The following ABHD12B variants were observed in gnomAD, a reference collection of about 807,000 sequenced individuals.
The protein encoded by ABHD12B is protein ABHD12B.
A neutral mutation model predicts 50.4 loss-of-function variants in ABHD12B; 42 were observed. The observed-to-expected ratio is 0.83, with a 90% CI of 0.65 to 1.08. The LOEUF (loss-of-function observed/expected upper bound fraction) is 1.08. ABHD12B is among the 50% of genes least tolerant of loss of function. The probability of loss-of-function intolerance (pLI) is 0.00; values close to 1 mark genes in which losing one functional copy is unlikely to be tolerated. For synonymous variants in ABHD12B, 167 were observed against 160.3 expected, an observed-to-expected ratio of 1.04 and a Z score of -0.32; for missense variants, 479 against 447.7, an observed-to-expected ratio of 1.07 and a Z score of -0.63.
At chr14:50,903,241 T>G in intron 10 of ABHD12B, 148 bp from the exon 11 acceptor site, 1 of 479,172 alleles carries the variant, frequency 2.1e-6, no homozygotes, top group African/African-American at 2.0e-5. Flanking sequence ...AATTTTTAAA[T>G]GTATGATATT....
At chr14:50,894,003 A>G (rs1434494165) in intron 9 of ABHD12B, among the ~76,000 whole-genome samples, 3 of 152,118 alleles carry the variant, frequency 2.0e-5, no homozygotes, top group African/African-American at 7.2e-5. Flanking sequence ...CTGATTATTC[A>G]CTCACGTTTC....
chr14:50,876,586 G>C (rs1242061394), intron 1 of ABHD12B, among the ~76,000 whole-genome samples: 1 of 152,106 alleles, frequency 6.6e-6, no homozygotes, highest in African/African-American at 2.4e-5. Flanking sequence ...TGTTCCTGGG[G>C]TTCATTTCTG....
At chr14:50,874,185 T>A (rs918145229) in intron 1 of ABHD12B, among the ~76,000 whole-genome samples, 3 of 152,252 alleles carry the variant, frequency 2.0e-5, no homozygotes, top group Non-Finnish European at 4.4e-5. Flanking sequence ...TCAGTGGCTA[T>A]TTTTTAATGC....
chr14:50,903,549 C>A, intron 11 of ABHD12B, 82 bp downstream of exon 11: 2 of 1,173,064 alleles, frequency 1.7e-6, no homozygotes, highest in Non-Finnish European at 2.5e-6. Context: ...TTGATTAGAG[C>A]CGAAAGGAGG....
chr14:50,887,884 T>C (rs1246177639), intron 8 of ABHD12B, among the ~76,000 whole-genome samples: 1 of 152,192 alleles, frequency 6.6e-6, no homozygotes. Context: ...TTTCTGTCAT[T>C]TGGATTAGGT....
intron 9 of ABHD12B, among the ~76,000 whole-genome samples, chr14:50,900,422 A>G (rs1252500236): frequency 6.6e-6 from 1 of 152,218 alleles, no homozygotes; most frequent in Non-Finnish European, 1.5e-5. Flanking sequence ...AGGACACCAC[A>G]GGGAATAAGA....
intron 4 of ABHD12B, 127 bp downstream of exon 4, chr14:50,880,698 T>C: frequency 8.7e-7 from 1 of 1,146,648 alleles, no homozygotes; most frequent in Non-Finnish European, 1.2e-6. Flanking sequence ...TTCTCCTTTG[T>C]TGAAATCTGA....
At chr14:50,891,832 G>A (rs1462157300) in intron 9 of ABHD12B, 1 of 152,106 alleles carries the variant, frequency 6.6e-6, no homozygotes, top group Non-Finnish European at 1.5e-5. Context: ...ATATATCAGT[G>A]TCTATACATA....
At chr14:50,877,854 C>G in intron 1 of ABHD12B, 98 bp from the exon 2 acceptor site, 1 of 1,234,998 alleles carries the variant, frequency 8.1e-7, no homozygotes, top group Non-Finnish European at 1.0e-6. Context: ...GCAACAAGAG[C>G]AGAACTCTGT....
At position 50,896,055 on chromosome 14, in the gene ABHD12B, G is replaced by C. The variant is rs550875510; in HGVS notation, c.781-5774G>C. Among the ~76,000 whole-genome samples, 206 of 150,014 alleles carry C rather than the reference G, an allele frequency of 1.4e-3. 2 individuals carry two copies. Among genetic ancestry groups the C allele is most frequent in the African/African-American group, 3.7e-3 (153 of 40,844 alleles). The stretch of plus-strand genomic sequence containing the variant: ...TTTGCGTCCTCCTCTTGTATCCCCC[G>C]ACCTTAACCCACAAGTATAAGATAC... On this transcript the variant is annotated intron_variant, in intron 9 of 12. Coordinates refer to ENST00000337334, the MANE Select transcript of ABHD12B (RefSeq NM_001206673.2).
rs555602927 is a variant in ABHD12B at position 50,875,250 on chromosome 14, C to T, written c.105-2702C>T. Among the ~76,000 whole-genome samples, 3 of 152,310 alleles carry T rather than the reference C, an allele frequency of 2.0e-5. No individual in the cohort carries two copies. The South Asian group carries it at 6.2e-4, about 32-fold the overall frequency. ...AGACTTTGACAAAAAAGAGATACTT[C>T]CATGGGTGTGAAGGAAGAGGGGATT... On this transcript the variant is annotated intron_variant, in intron 1 of 12. Coordinates refer to ENST00000337334, the MANE Select transcript of ABHD12B (RefSeq NM_001206673.2).
At chr14:50,885,554 G>C in intron 5 of ABHD12B, 60 bp from the exon 6 acceptor site, 3 of 1,594,896 alleles carry the variant, frequency 1.9e-6, no homozygotes, top group East Asian at 2.2e-5. Flanking sequence ...ATATAGGGAG[G>C]AGAAGCCTTT....
At chr14:50,894,144 G>C (rs1350658923) in intron 9 of ABHD12B, among the ~76,000 whole-genome samples, 3 of 151,152 alleles carry the variant, frequency 2.0e-5, no homozygotes, top group Non-Finnish European at 2.9e-5. Flanking sequence ...TGCTCTTCTG[G>C]GGGAGGGGCA....
chr14:50,886,678 G>GA lies in ABHD12B; in HGVS notation c.699dup (p.Gly234ArgfsTer5), dbSNP rs760440999. ...AACAAATGCTGCAAAAGTGCTAGAA[G>GA]AAAAAGGTAATATAAAATGCTTAAG... On this transcript the variant is annotated frameshift_variant, in exon 8 of 13. Coordinates refer to ENST00000337334, the MANE Select transcript of ABHD12B (RefSeq NM_001206673.2). 1.9e-5 allele frequency: 30 copies of GA among 1,608,252 alleles called. No individual in the cohort carries two copies. The highest frequency in any genetic ancestry group is 2.5e-5 in the Non-Finnish European group (30 of 1,176,992).
intron 9 of ABHD12B, among the ~76,000 whole-genome samples, chr14:50,894,617 T>C (rs928107977): frequency 3.3e-5 from 5 of 152,172 alleles, no homozygotes; most frequent in Non-Finnish European, 5.9e-5. Context: ...AATGGCACTT[T>C]GAATTTTTCC....
At position 50,904,714 on chromosome 14, in the gene ABHD12B, CA is replaced by C; in HGVS notation, c.*351del. On this transcript the variant is annotated 3_prime_UTR_variant, in exon 13 of 13. Transcript: ENST00000337334. ...GTCCGAATATCTGGGCCTGCCCCCC[CA>C]AATTATGCTGAAACCTAATCACCAG... 2.8e-6 allele frequency: 1 copy of C among 358,836 alleles called. No individual in the cohort carries two copies. The highest frequency in any genetic ancestry group is 3.1e-5 in the South Asian group (1 of 32,402). The allele number at this position is 358,836 out of a possible 1,614,324, so 22.2% of individuals were successfully genotyped here. A position where few individuals can be genotyped will look rare whatever the true frequency, so the allele number is the denominator to read the frequency against.
At chr14:50,901,942 T>A in intron 10 of ABHD12B, 31 bp downstream of exon 10, 1 of 1,478,200 alleles carries the variant, frequency 6.8e-7, no homozygotes. Context: ...CATGCATTAT[T>A]ACTGTATCTA....
At chr14:50,884,702 C>CTTTTTTTTTTTTTTTTT (rs35439744) in intron 5 of ABHD12B, among the ~76,000 whole-genome samples, 3 of 126,588 alleles carry the variant, frequency 2.4e-5, no homozygotes, top group African/African-American at 8.9e-5. Flanking sequence ...TGTATTTCTT[C>CTTTTTTTTTTTTTTTTT]TTTTTTTTTT....
intron 9 of ABHD12B, chr14:50,891,605 T>G (rs890723633): frequency 7.9e-5 from 12 of 152,212 alleles, no homozygotes; most frequent in African/African-American, 2.9e-4. Context: ...TTATGGTAAC[T>G]TTTATGTCAT....
Sources: gnomAD v4.1 joint callset for allele counts (sites outside exome capture counted in the v4.1 genomes callset) on GRCh38, gnomAD v4.1.1 for gene constraint, MANE v1.5 for transcripts, NCBI Gene and HGNC (gene_info 2026-07-23, HGNC 2026-07-21) for gene names.